Variants in MYT1L observed in about 807,000 individuals in gnomAD.
The protein encoded by MYT1L is myelin transcription factor 1-like protein.
Under a neutral mutation model 126.7 loss-of-function variants are expected in MYT1L, and 12 were observed. The observed-to-expected ratio is 0.09, with a 90% CI of 0.06 to 0.15. The LOEUF is 0.15. Among genes scored for constraint, MYT1L ranks in the 10% least tolerant of loss-of-function variants. The pLI is 1.00. For synonymous variants in MYT1L, 541 were observed against 604.2 expected (o/e 0.90, Z 1.53); for missense variants, 979 against 1,585.2 (o/e 0.62, Z 6.49).
chr2:2,233,153 G>A (rs558701336), intron 2 of MYT1L, among the ~76,000 whole-genome samples: 10 of 152,140 alleles, frequency 6.6e-5, no homozygotes, highest in Non-Finnish European at 8.8e-5. Context: ...TTTTTAAGTC[G>A]CACATTTCAC....
intron 1 of MYT1L, chr2:2,319,198 G>A (rs1258354349): frequency 6.6e-6 from 1 of 152,106 alleles, no homozygotes; most frequent in Non-Finnish European, 1.5e-5. Context: ...TATGACACAG[G>A]GGATCTTCCT....
intron 2 of MYT1L, among the ~76,000 whole-genome samples, chr2:2,208,540 C>T (rs972627636): frequency 1.3e-5 from 2 of 152,108 alleles, no homozygotes; most frequent in African/African-American, 4.8e-5. Flanking sequence ...TGTATGTAGG[C>T]TTGTATTCTC....
intron 1 of MYT1L, among the ~76,000 whole-genome samples, chr2:2,293,750 T>C (rs983138529): frequency 7.2e-5 from 11 of 151,946 alleles, no homozygotes; most frequent in Admixed American, 6.5e-4. Flanking sequence ...AACCCCCAGG[T>C]GCAAGACCGG....
At chr2:1,844,699 G>A (rs2042262460) in intron 19 of MYT1L, among the ~76,000 whole-genome samples, 2 of 152,142 alleles carry the variant, frequency 1.3e-5, no homozygotes, top group Non-Finnish European at 2.9e-5. Context: ...TACAATGCTG[G>A]GCACAGAGAA....
intron 5 of MYT1L, among the ~76,000 whole-genome samples, chr2:1,983,756 C>T (rs116850196): frequency 2.1e-3 from 318 of 152,302 alleles, no homozygotes; most frequent in Non-Finnish European, 1.8e-3. Flanking sequence ...GCTGGAACTG[C>T]GAGCTTCACT....
At chr2:2,170,456 T>G (rs1376735695) in intron 3 of MYT1L, among the ~76,000 whole-genome samples, 1 of 152,208 alleles carries the variant, frequency 6.6e-6, no homozygotes, top group African/African-American at 2.4e-5. Context: ...GTGGCAGTGA[T>G]GAGCAGTTGC....
chr2:2,255,628 A>C (rs756794798), intron 2 of MYT1L, among the ~76,000 whole-genome samples: 5 of 152,220 alleles, frequency 3.3e-5, no homozygotes, highest in African/African-American at 9.6e-5. Flanking sequence ...CTTGAACATA[A>C]AACATTTACA....
chr2:2,154,454 A>T (rs1250473489), intron 3 of MYT1L, among the ~76,000 whole-genome samples: 1 of 152,238 alleles, frequency 6.6e-6, no homozygotes, highest in African/African-American at 2.4e-5. Flanking sequence ...AGTAGACTGG[A>T]TAAAGAAAAT....
At chr2:2,196,800 G>C (rs2092818706) in intron 2 of MYT1L, among the ~76,000 whole-genome samples, 1 of 151,802 alleles carries the variant, frequency 6.6e-6, no homozygotes, top group South Asian at 2.1e-4. Flanking sequence ...TAAGAAGAAA[G>C]TCATAAAAAA....
chr2:2,190,474 T>C (rs568699119), intron 2 of MYT1L, among the ~76,000 whole-genome samples: 113 of 150,428 alleles, frequency 7.5e-4, no homozygotes, highest in African/African-American at 2.7e-3. Context: ...TTTCCCAGCC[T>C]TTAGACTTCC....
chr2:2,074,492 G>T (rs910219434), intron 3 of MYT1L, among the ~76,000 whole-genome samples: 5 of 152,082 alleles, frequency 3.3e-5, no homozygotes, highest in African/African-American at 1.2e-4. Context: ...CAGAGAAAAA[G>T]ATATCAATTT....
At chr2:2,185,592 G>A (rs1191038322) in intron 2 of MYT1L, among the ~76,000 whole-genome samples, 2 of 146,226 alleles carry the variant, frequency 1.4e-5, no homozygotes, top group Non-Finnish European at 3.0e-5. Flanking sequence ...GACGCAGCCA[G>A]GCCTTCCGGG....
chr2:2,180,858 C>CTGTGTG (rs528126446), intron 2 of MYT1L, among the ~76,000 whole-genome samples: 2 of 150,010 alleles, frequency 1.3e-5, no homozygotes, highest in Non-Finnish European at 3.0e-5. Flanking sequence ...CTGTGTATGC[C>CTGTGTG]TGTGTGTGCA....
chr2:2,139,446 CCT>C lies in MYT1L; in HGVS notation c.-304+33424_-304+33425del, dbSNP rs1224701602. Among the ~76,000 whole-genome samples the C allele has an allele frequency of 3.3e-5, 5 of 151,582 alleles. No homozygotes were observed. In the East Asian group the frequency reaches 9.7e-4, roughly 30 times the overall value. ...ACTAGCCTGGCCAACATGATGAAAC[CCT>C]GTTTCTACTAAAAAAAAAATATATG... is the stretch of plus-strand genomic sequence containing the variant. On this transcript the variant is annotated intron_variant, in intron 3 of 24. Coordinates refer to ENST00000647738, the MANE Select transcript of MYT1L (RefSeq NM_001303052.2).
intron 3 of MYT1L, among the ~76,000 whole-genome samples, chr2:2,093,512 C>A (rs1456248250): frequency 1.3e-5 from 2 of 151,224 alleles, no homozygotes; most frequent in Middle Eastern, 3.4e-3. Flanking sequence ...CTGTTCATAT[C>A]CTTTGCCCAC....
chr2:1,986,782 A>T (rs1256244851), intron 5 of MYT1L, among the ~76,000 whole-genome samples: 6 of 152,182 alleles, frequency 3.9e-5, no homozygotes, highest in African/African-American at 1.2e-4. Context: ...GGGGGTCGTC[A>T]GATGCTGTGC....
At position 2,220,422 on chromosome 2, in the gene MYT1L, G is replaced by A. The variant is rs1031005423; in HGVS notation, c.-420-47434C>T. 2.0e-5 allele frequency among the ~76,000 whole-genome samples: 3 copies of A among 152,128 alleles called. No homozygotes were observed. The South Asian group carries it at 6.2e-4, about 32-fold the overall frequency. ...GACCTGGGATCAATAGAAGGGAAAT[G>A]TTCAGGTTAAGATAAAAGATTGTGG... On this transcript the variant is annotated intron_variant, in intron 2 of 24. Coordinates refer to ENST00000647738, the MANE Select transcript of MYT1L (RefSeq NM_001303052.2).
rs189756138 is a variant in MYT1L, at chr2:2,114,299, G to A, written c.-304+58573C>T. On this transcript the variant is annotated intron_variant, in intron 3 of 24. Transcript: ENST00000647738. ...CTTATAGCACCCTCTTAGCTCCCTC[G>A]TGTAGGAAAAACAAGTCCCAAGGTT... Among the ~76,000 whole-genome samples, 11 of 152,248 alleles carry A rather than the reference G, an allele frequency of 7.2e-5. 1 individual carries two copies. The highest frequency in any genetic ancestry group is 3.9e-4 in the East Asian group (2 of 5,184).
At chr2:2,174,590 T>C (rs752101962) in intron 2 of MYT1L, among the ~76,000 whole-genome samples, 1 of 150,646 alleles carries the variant, frequency 6.6e-6, no homozygotes, top group Non-Finnish European at 1.5e-5. Flanking sequence ...CGCAGTTTGA[T>C]GAGGATGAAT....
Sources: gnomAD v4.1 joint callset for allele counts (sites outside exome capture counted in the v4.1 genomes callset) on GRCh38, gnomAD v4.1.1 for gene constraint, MANE v1.5 for transcripts, NCBI Gene and HGNC (gene_info 2026-07-23, HGNC 2026-07-21) for gene names.